The following RFX4 variants were observed in gnomAD, a reference collection of about 807,000 sequenced individuals.
RFX4 encodes transcription factor RFX4.
RFX4 carries 10 observed loss-of-function variants against 95.0 expected under a neutral mutation model. That is an observed-to-expected ratio of 0.11 (90% CI 0.06 to 0.18). The LOEUF is 0.18. RFX4 is among the 10% of genes least tolerant of loss of function. The pLI, the probability that RFX4 is intolerant of heterozygous loss-of-function variation, is 1.00. For synonymous variants in RFX4, 321 were observed against 340.7 expected (o/e 0.94, Z 0.64); for missense variants, 640 against 922.0 (o/e 0.69, Z 3.96).
chr12:106,759,286 G>A (rs2043168325), intron 17 of RFX4, among the ~76,000 whole-genome samples: 1 of 152,170 alleles, frequency 6.6e-6, no homozygotes, highest in Non-Finnish European at 1.5e-5. Flanking sequence ...AACACAGGTA[G>A]GACAGAGTTC....
intron 3 of RFX4, among the ~76,000 whole-genome samples, chr12:106,648,981 A>C (rs963201267): frequency 2.0e-5 from 3 of 152,138 alleles, no homozygotes; most frequent in African/African-American, 7.2e-5. Context: ...ATAATGACTC[A>C]TGTTAGCTAG....
chr12:106,715,502 A>G lies in RFX4; in HGVS notation c.1096A>G (p.Met366Val). The G allele has an allele frequency of 6.2e-7, 1 of 1,614,194 alleles. No homozygotes were observed. Residue 366 changes from methionine (M) to valine (V), a missense_variant, in exon 11 of 18, where the codon ATG becomes GTG. By Grantham distance (21) the Met-to-Val change is conservative (BLOSUM62 1). This residue lies in a region of RFX4 where 72 missense variants were observed against 80.5 expected (regional missense o/e 0.89). Coordinates refer to ENST00000392842, the MANE Select transcript of RFX4 (RefSeq NM_213594.3). ...NSITKQTLYTMEDSRDEHRKL... is the reference protein window; with the variant it reads ...NSITKQTLYTVEDSRDEHRKL... ...CATCACCAAGCAAACCCTTTACACCATGGAAGACTCTCGCGATGAGCACCG... is the reference window on the plus strand; with the variant it reads ...CATCACCAAGCAAACCCTTTACACCGTGGAAGACTCTCGCGATGAGCACCG...
rs570881656 is a variant in RFX4, at chr12:106,720,682, C to T, written c.1234-77C>T. The T allele has an allele frequency of 6.3e-5, 89 of 1,415,064 alleles. 1 individual carries two copies. In the African/African-American group the frequency reaches 8.7e-4, roughly 14 times the overall value. The allele number at this position is 1,415,064 out of a possible 1,614,324, so 87.7% of individuals were successfully genotyped here. On this transcript the variant is annotated intron_variant, in intron 12 of 17. Transcript: ENST00000392842. This position sits in a 1 kb window ranked among gnomAD's most constrained non-coding sequence, Gnocchi z 4.2. The stretch of plus-strand genomic sequence containing the variant: ...GATTACAGGCGTGAGCCACTTCAAC[C>T]GGCCTCATTTTTCAAAGAGACAGTA...
chr12:106,684,982 C>T (rs558185118), intron 5 of RFX4: 3 of 1,594,456 alleles, frequency 1.9e-6, no homozygotes, highest in East Asian at 2.2e-5. Flanking sequence ...CGCAAAAGCC[C>T]TTCCCATAAT....
chr12:106,702,178 T>C lies in RFX4; in HGVS notation c.833+5732T>C, dbSNP rs937744394. On this transcript the variant is annotated intron_variant, in intron 8 of 17. Coordinates refer to ENST00000392842, the MANE Select transcript of RFX4 (RefSeq NM_213594.3). ...AATTTCCTGTCTGATAGTCTGGTTA[T>C]GTTGATTGTTTTGTTTCTTGACAGT... Among the ~76,000 whole-genome samples the C allele has an allele frequency of 2.0e-5, 3 of 152,196 alleles. No homozygotes were observed. The East Asian group carries it at 5.8e-4, about 29-fold the overall frequency.
At chr12:106,685,027 T>C (rs2041612502) in intron 5 of RFX4, 4 of 1,532,146 alleles carry the variant, frequency 2.6e-6, no homozygotes, top group Non-Finnish European at 3.5e-6. Context: ...ATTTTGTGAC[T>C]TTCATTGTAT....
chr12:106,708,881 T>G (rs1331113461), intron 8 of RFX4, among the ~76,000 whole-genome samples: 1 of 152,166 alleles, frequency 6.6e-6, no homozygotes, highest in Non-Finnish European at 1.5e-5. Flanking sequence ...AATATGCTGT[T>G]GCTTCCCAGT....
At chr12:106,702,615 T>G (rs1267715797) in intron 8 of RFX4, among the ~76,000 whole-genome samples, 1 of 152,204 alleles carries the variant, frequency 6.6e-6, no homozygotes, top group African/African-American at 2.4e-5. Context: ...AAGCAAGCCC[T>G]GTGCTTTGGA....
At chr12:106,667,671 G>T (rs543123042) in intron 4 of RFX4, among the ~76,000 whole-genome samples, 1 of 152,254 alleles carries the variant, frequency 6.6e-6, no homozygotes, top group South Asian at 2.1e-4. Flanking sequence ...AGGGAGCCAC[G>T]ATTCCCTGTA....
chr12:106,607,287 A>G (rs968334610), intron 1 of RFX4, among the ~76,000 whole-genome samples: 29 of 152,232 alleles, frequency 1.9e-4, no homozygotes, highest in African/African-American at 6.8e-4. Context: ...AACTTTGTCA[A>G]TGACACATAA....
intron 2 of RFX4, among the ~76,000 whole-genome samples, chr12:106,618,822 C>A (rs2040124610): frequency 6.6e-6 from 1 of 151,862 alleles, no homozygotes; most frequent in Non-Finnish European, 1.5e-5. Context: ...TTTATTCTTA[C>A]TTTTTAGCTT....
At chr12:106,600,257 T>G (rs1457112949) in intron 1 of RFX4, among the ~76,000 whole-genome samples, 1 of 152,230 alleles carries the variant, frequency 6.6e-6, no homozygotes, top group East Asian at 1.9e-4. Context: ...ACTTCGCACA[T>G]GCTGTTCCTT....
intron 4 of RFX4, among the ~76,000 whole-genome samples, chr12:106,665,616 A>T (rs2041159798): frequency 6.6e-6 from 1 of 152,072 alleles, no homozygotes; most frequent in East Asian, 1.9e-4. Flanking sequence ...TGAGCATTTC[A>T]TATCATTCCA....
Position 106,761,837 on chromosome 12 carries a change from T to C in RFX4, c.*368T>C, listed in dbSNP as rs2043211977. The C allele has an allele frequency of 6.5e-6, 1 of 153,408 alleles. No homozygotes were observed. The highest frequency in any genetic ancestry group is 2.4e-5 in the African/African-American group (1 of 41,490). 9.5% of individuals were successfully genotyped at this position (153,408 alleles called of 1,614,324 possible). ...TTTCCTGTTGACAAAATCTCTTTAG[T>C]CTTGAAGGATGGATACTGGAGACAG... On this transcript the variant is annotated 3_prime_UTR_variant, in exon 18 of 18. Transcript: ENST00000392842.
At chr12:106,719,368 G>C (rs2042355282) in intron 11 of RFX4, among the ~76,000 whole-genome samples, 1 of 152,182 alleles carries the variant, frequency 6.6e-6, no homozygotes, top group Non-Finnish European at 1.5e-5. Flanking sequence ...CCTGGGCAGA[G>C]AGCAAGAGAG....
chr12:106,718,584 T>C (rs1332116005), intron 11 of RFX4, among the ~76,000 whole-genome samples: 4 of 152,224 alleles, frequency 2.6e-5, no homozygotes, highest in African/African-American at 9.6e-5. Flanking sequence ...GGTCTCAGAA[T>C]CTTACTTCTT....
At chr12:106,728,703 T>G (rs571719238) in intron 13 of RFX4, among the ~76,000 whole-genome samples, 50 of 152,338 alleles carry the variant, frequency 3.3e-4, no homozygotes, top group African/African-American at 1.2e-3. Flanking sequence ...TTCATTTTCC[T>G]GTCTTCATCG....
chr12:106,725,433 T>G (rs796665478), intron 13 of RFX4, among the ~76,000 whole-genome samples: 1 of 152,348 alleles, frequency 6.6e-6, no homozygotes, highest in South Asian at 2.1e-4. Flanking sequence ...AACTAAAAAC[T>G]AATTTGTATA....
intron 4 of RFX4, among the ~76,000 whole-genome samples, chr12:106,665,484 G>A (rs7964744): frequency 0.16 from 24,012 of 151,654 alleles, 2,021 homozygotes; most frequent in East Asian, 0.27. Context: ...CATGATCTTC[G>A]AAGTAATTAT....
Sources: allele counts gnomAD v4.1 joint callset (sites outside exome capture counted in the v4.1 genomes callset), GRCh38; gene constraint gnomAD v4.1.1; regional missense constraint gnomAD v4.1.1; non-coding constraint Gnocchi (gnomAD v3.1); transcripts MANE v1.5; gene names NCBI Gene and HGNC (gene_info 2026-07-23, HGNC 2026-07-21).